WDFY2: variants seen among roughly 807,000 people sequenced by gnomAD.
WDFY2 encodes the protein WD repeat and FYVE domain-containing protein 2.
Under a neutral mutation model 56.4 loss-of-function variants are expected in WDFY2, and 36 were observed. The observed-to-expected ratio is 0.64, with a 90% CI of 0.49 to 0.84. The LOEUF (loss-of-function observed/expected upper bound fraction) is 0.84, where lower values mean the gene tolerates loss of function less well. Ranked by LOEUF, WDFY2 falls within the 40% of genes least tolerant of loss-of-function variation. WDFY2 has a pLI of 0.00. For synonymous variants in WDFY2, 176 were observed against 183.7 expected, an observed-to-expected ratio of 0.96 and a Z score of 0.34; for missense variants, 444 against 512.2, an observed-to-expected ratio of 0.87 and a Z score of 1.29.
At chr13:51,645,271 A>G (rs557762510) in intron 1 of WDFY2, among the ~76,000 whole-genome samples, 17 of 152,098 alleles carry the variant, frequency 1.1e-4, no homozygotes, top group African/African-American at 3.1e-4. Flanking sequence ...TGATCTGTAG[A>G]AAAGTATTCC....
At chr13:51,616,973 G>A (rs947148238) in intron 1 of WDFY2, among the ~76,000 whole-genome samples, 1 of 152,182 alleles carries the variant, frequency 6.6e-6, no homozygotes, top group African/African-American at 2.4e-5. Context: ...TATTTGTTGA[G>A]TTCATGTCAT....
chr13:51,618,720 C>T (rs1276572446), intron 1 of WDFY2, among the ~76,000 whole-genome samples: 1 of 152,212 alleles, frequency 6.6e-6, no homozygotes, highest in Non-Finnish European at 1.5e-5. Context: ...GCATCACGGC[C>T]TGTGGCTAAT....
At chr13:51,678,378 A>G (rs968611194) in intron 3 of WDFY2, among the ~76,000 whole-genome samples, 3 of 152,234 alleles carry the variant, frequency 2.0e-5, no homozygotes, top group African/African-American at 2.4e-5. Context: ...AAGTATAAAC[A>G]CTATTATTAT....
At chr13:51,623,792 T>C (rs1954787703) in intron 1 of WDFY2, among the ~76,000 whole-genome samples, 1 of 152,152 alleles carries the variant, frequency 6.6e-6, no homozygotes, top group African/African-American at 2.4e-5. Context: ...CCTGTCCTTC[T>C]AATTTTGTGG....
At chr13:51,619,190 C>T (rs367819176) in intron 1 of WDFY2, among the ~76,000 whole-genome samples, 3 of 152,224 alleles carry the variant, frequency 2.0e-5, no homozygotes, top group Non-Finnish European at 4.4e-5. Flanking sequence ...TGGTGGCTCA[C>T]GCCTGTAATC....
intron 4 of WDFY2, among the ~76,000 whole-genome samples, chr13:51,711,651 A>G (rs979784214): frequency 6.6e-6 from 1 of 152,384 alleles, no homozygotes. Flanking sequence ...GACATTTCTC[A>G]AAAGAAGACA....
chr13:51,746,345 TG>T (rs1953104014), intron 7 of WDFY2, among the ~76,000 whole-genome samples: 1 of 152,234 alleles, frequency 6.6e-6, no homozygotes, highest in African/African-American at 2.4e-5. Context: ...CAACAACAGT[TG>T]AATTCCTCAA....
intron 3 of WDFY2, 57 bp from the exon 4 acceptor site, chr13:51,703,539 T>TA: frequency 7.6e-7 from 1 of 1,311,018 alleles, no homozygotes; most frequent in South Asian, 1.3e-5. Context: ...TTTTACCAAA[T>TA]ATAGTCATTC....
intron 8 of WDFY2, 145 bp downstream of exon 8, chr13:51,751,560 G>GT (rs1203467004): frequency 0.016 from 10,526 of 656,700 alleles, no homozygotes; most frequent in East Asian, 0.027. Context: ...TGTTTGGGTT[G>GT]TTTTTTTTTT....
intron 4 of WDFY2, among the ~76,000 whole-genome samples, chr13:51,717,235 T>G (rs1379985454): frequency 6.6e-6 from 1 of 152,208 alleles, no homozygotes; most frequent in Non-Finnish European, 1.5e-5. Context: ...GAAATTTTTT[T>G]TCAATAAAAG....
chr13:51,614,882 T>G (rs1954581578), intron 1 of WDFY2, among the ~76,000 whole-genome samples: 1 of 151,240 alleles, frequency 6.6e-6, no homozygotes, highest in Non-Finnish European at 1.5e-5. Flanking sequence ...AAATGAACAT[T>G]TATTGAAAAT....
intron 1 of WDFY2, among the ~76,000 whole-genome samples, chr13:51,656,650 T>C (rs1004216596): frequency 6.6e-6 from 1 of 152,174 alleles, no homozygotes; most frequent in Middle Eastern, 3.4e-3. Context: ...CATGTATTAA[T>C]ATTTTAGGGG....
chr13:51,683,284 G>A (rs912972805), intron 3 of WDFY2, among the ~76,000 whole-genome samples: 1 of 152,184 alleles, frequency 6.6e-6, no homozygotes, highest in Admixed American at 6.5e-5. Flanking sequence ...AGCCATCTGT[G>A]GTCCTACAAC....
chr13:51,654,066 C>T (rs1955459513), intron 1 of WDFY2, among the ~76,000 whole-genome samples: 2 of 152,212 alleles, frequency 1.3e-5, no homozygotes, highest in South Asian at 2.1e-4. Flanking sequence ...TTTGAGCTTC[C>T]TGGCCACTTT....
chr13:51,718,549 T>C (rs1467595065), intron 4 of WDFY2, among the ~76,000 whole-genome samples: 3 of 141,062 alleles, frequency 2.1e-5, no homozygotes, highest in African/African-American at 8.2e-5. Context: ...TTTGCTCTTA[T>C]TATCATTCAT....
chr13:51,592,540 A>C (rs1593848966), intron 1 of WDFY2: 1 of 151,594 alleles, frequency 6.6e-6, no homozygotes, highest in Non-Finnish European at 1.5e-5. Flanking sequence ...GTACCACTGC[A>C]CTCCAGCCTG....
At chr13:51,754,483 A>G (rs1953317282) in intron 8 of WDFY2, among the ~76,000 whole-genome samples, 1 of 152,228 alleles carries the variant, frequency 6.6e-6, no homozygotes, top group Non-Finnish European at 1.5e-5. Context: ...GACATCCCAC[A>G]TCCTCACCAA....
At chr13:51,628,672 C>T (rs1028130464) in intron 1 of WDFY2, among the ~76,000 whole-genome samples, 2 of 152,178 alleles carry the variant, frequency 1.3e-5, no homozygotes, top group East Asian at 1.9e-4. Context: ...CGGCTGCCAT[C>T]GGAAGAAGAG....
At chr13:51,730,271 C>T (rs1433412740) in intron 6 of WDFY2, among the ~76,000 whole-genome samples, 1 of 152,216 alleles carries the variant, frequency 6.6e-6, no homozygotes, top group Non-Finnish European at 1.5e-5. Context: ...ACTGCTGTCC[C>T]CGAGGTGACC....
Sources: allele counts gnomAD v4.1 joint callset (sites outside exome capture counted in the v4.1 genomes callset), GRCh38; gene constraint gnomAD v4.1.1; transcripts MANE v1.5; gene names NCBI Gene and HGNC (gene_info 2026-07-23, HGNC 2026-07-21).